FILIP1L: variants seen among roughly 807,000 people sequenced by gnomAD.
The protein encoded by FILIP1L is filamin A interacting protein 1 like, also known as filamin A-interacting protein 1-like.
FILIP1L carries 55 observed loss-of-function variants against 96.6 expected under a neutral mutation model. That is an observed-to-expected ratio of 0.57 (90% CI 0.46 to 0.71). The LOEUF is 0.71. Among genes scored for constraint, FILIP1L ranks in the 30% least tolerant of loss-of-function variants. The probability of loss-of-function intolerance (pLI) is 0.00; values close to 1 mark genes in which losing one functional copy is unlikely to be tolerated. For missense variants in FILIP1L, 1,304 were observed against 1,321.2 expected (o/e 0.99, Z 0.20); for synonymous variants, 467 against 473.9 (o/e 0.99, Z 0.19).
intron 1 of FILIP1L, among the ~76,000 whole-genome samples, chr3:99,944,684 AC>A (rs1707955566): frequency 6.6e-6 from 1 of 152,214 alleles, no homozygotes; most frequent in Admixed American, 6.5e-5. Flanking sequence ...TTCAGAGCCC[AC>A]CCAGTCTTTG....
At chr3:99,977,029 T>C (rs1484143420) in intron 1 of FILIP1L, among the ~76,000 whole-genome samples, 2 of 152,188 alleles carry the variant, frequency 1.3e-5, no homozygotes, top group East Asian at 3.8e-4. Flanking sequence ...TTCTTAGATA[T>C]ATAGGGGAAT....
At chr3:99,857,479 T>C (rs1434145774) in intron 4 of FILIP1L, among the ~76,000 whole-genome samples, 2 of 152,250 alleles carry the variant, frequency 1.3e-5, no homozygotes, top group Non-Finnish European at 2.9e-5. Context: ...GGAGTGACTA[T>C]TTTATGTTTT....
chr3:99,842,789 C>G (rs1943193552), intron 5 of FILIP1L, among the ~76,000 whole-genome samples: 1 of 152,108 alleles, frequency 6.6e-6, no homozygotes, highest in Non-Finnish European at 1.5e-5. Context: ...ACTGTAAAAC[C>G]TGGTACCTGA....
chr3:99,934,567 A>C (rs993442081), intron 1 of FILIP1L, among the ~76,000 whole-genome samples: 5 of 152,204 alleles, frequency 3.3e-5, no homozygotes, highest in Admixed American at 2.6e-4. Context: ...TCATCAACTT[A>C]ATCTAGGATA....
Position 100,041,868 on chromosome 3 carries a change from GA to G in FILIP1L, c.-11+72184del, listed in dbSNP as rs570511240. ...TCAACATGAAAGTATATCACATGCT[GA>G]CCCCAACTACAATTTGATTTAAAAA... is the stretch of plus-strand genomic sequence containing the variant. On this transcript the variant is annotated intron_variant, in intron 1 of 5. Transcript: ENST00000477258. Among the ~76,000 whole-genome samples, 632 of 152,118 alleles carry G rather than the reference GA, an allele frequency of 4.2e-3. 4 individuals carry two copies. Among genetic ancestry groups the G allele is most frequent in the African/African-American group, 0.015 (603 of 41,490 alleles).
rs12630489 is a variant in FILIP1L, at chr3:100,010,040, A to G, written c.-10-79010T>C. The G allele has an allele frequency of 5.7e-4, 120 of 211,792 alleles. 1 individual carries two copies. In the East Asian group the frequency reaches 0.02, roughly 35 times the overall value. The allele number at this position is 211,792 out of a possible 1,614,324, so 13.1% of individuals were successfully genotyped here. On this transcript the variant is annotated intron_variant, in intron 1 of 5. Transcript: ENST00000477258. The stretch of plus-strand genomic sequence containing the variant: ...TTTGGATTGTCCATCAGTTGTTAAG[A>G]TATCTACCATATGTTTTACAGACTA...
intron 1 of FILIP1L, among the ~76,000 whole-genome samples, chr3:99,988,504 T>C: frequency 1.1e-5 from 1 of 93,430 alleles, no homozygotes; most frequent in African/African-American, 4.8e-5. Flanking sequence ...AGAGCGAGAC[T>C]CCATCTCAAA....
At position 99,876,105 on chromosome 3, in the gene FILIP1L, G is replaced by T. The variant is rs181840294; in HGVS notation, c.606-25035C>A. 1,117 of 986,484 alleles carry T rather than the reference G, an allele frequency of 1.1e-3. 13 individuals carry two copies. In the African/African-American group the frequency reaches 0.018, roughly 16 times the overall value. 61.1% of individuals were successfully genotyped at this position (986,484 alleles called of 1,614,324 possible). A position where few individuals can be genotyped will look rare whatever the true frequency, so the allele number is the denominator to read the frequency against. ...CCTGCGCCGGGGCCGGGCGGGGGCCGGGCCGGGGCCGCTGTAGTGCCGCGC... is the reference window on the plus strand; with the variant it reads ...CCTGCGCCGGGGCCGGGCGGGGGCCTGGCCGGGGCCGCTGTAGTGCCGCGC... On this transcript the variant is annotated intron_variant, in intron 4 of 5. Coordinates refer to ENST00000477258, the MANE Select transcript of FILIP1L (RefSeq NM_001387850.1).
chr3:99,935,520 G>A (rs922960173), intron 1 of FILIP1L, among the ~76,000 whole-genome samples: 1 of 152,178 alleles, frequency 6.6e-6, no homozygotes, highest in African/African-American at 2.4e-5. Context: ...GGTCTGTGTT[G>A]TTGCTTATAA....
intron 4 of FILIP1L, among the ~76,000 whole-genome samples, chr3:99,897,166 C>T (rs906755588): frequency 6.6e-6 from 1 of 152,080 alleles, no homozygotes; most frequent in Non-Finnish European, 1.5e-5. Context: ...CGAGACCAGC[C>T]TAGCCAACAT....
intron 1 of FILIP1L, among the ~76,000 whole-genome samples, chr3:100,087,627 A>G (rs921158735): frequency 6.6e-6 from 1 of 152,036 alleles, no homozygotes; most frequent in Non-Finnish European, 1.5e-5. Flanking sequence ...TCTGAATACA[A>G]TTCTTTTTCA....
chr3:100,062,093 C>CTTCTTTTTTTTT (rs2065577734), intron 1 of FILIP1L, among the ~76,000 whole-genome samples: 1 of 53,154 alleles, frequency 1.9e-5, no homozygotes, highest in African/African-American at 8.9e-5. Flanking sequence ...CTGTCTTCTT[C>CTTCTTTTTTTTT]TTTTTTTTTT....
chr3:99,963,892 A>G (rs1708567008), intron 1 of FILIP1L, among the ~76,000 whole-genome samples: 1 of 152,186 alleles, frequency 6.6e-6, no homozygotes, highest in Non-Finnish European at 1.5e-5. Context: ...CTGGGATTAC[A>G]GGTGTGAGCC....
In FILIP1L at chr3:99,995,737, C is replaced by T. The variant is rs145178615; in HGVS notation, c.-10-64707G>A. Among the ~76,000 whole-genome samples the T allele has an allele frequency of 4.4e-3, 670 of 152,350 alleles. 7 individuals are homozygous for T. Among genetic ancestry groups the T allele is most frequent in the African/African-American group, 0.016 (655 of 41,592 alleles). ...CTGTGCACTCACAGGTTCAACACCA[C>T]GTGGAAGCTGCCAAGGCTTGGGTCT... On this transcript the variant is annotated intron_variant, in intron 1 of 5. Transcript: ENST00000477258.
chr3:100,046,034 G>A (rs2065273769), intron 1 of FILIP1L, among the ~76,000 whole-genome samples: 1 of 152,174 alleles, frequency 6.6e-6, no homozygotes, highest in Admixed American at 6.5e-5. Flanking sequence ...TGCTTTGTTT[G>A]TTTATTTTTT....
At chr3:99,845,581 T>A (rs1307116968) in intron 5 of FILIP1L, among the ~76,000 whole-genome samples, 1 of 152,186 alleles carries the variant, frequency 6.6e-6, no homozygotes, top group Admixed American at 6.5e-5. Context: ...TATCTGTCAA[T>A]GAAAAAGGAA....
chr3:100,094,272 T>C (rs367833666), intron 1 of FILIP1L, among the ~76,000 whole-genome samples: 9 of 152,306 alleles, frequency 5.9e-5, no homozygotes, highest in African/African-American at 2.2e-4. Flanking sequence ...TCTAATTGAA[T>C]TGATTGGATT....
intron 1 of FILIP1L, among the ~76,000 whole-genome samples, chr3:100,100,180 G>A (rs2066280056): frequency 6.6e-6 from 1 of 152,158 alleles, no homozygotes; most frequent in South Asian, 2.1e-4. Flanking sequence ...AGATTTTGGT[G>A]TGTGGGCTCT....
At chr3:100,081,197 C>T (rs764515314) in intron 1 of FILIP1L, among the ~76,000 whole-genome samples, 5 of 152,138 alleles carry the variant, frequency 3.3e-5, no homozygotes, top group Admixed American at 6.5e-5. Flanking sequence ...GGAACTTCAC[C>T]GAAGCCACCC....
Sources: allele counts gnomAD v4.1 joint callset (sites outside exome capture counted in the v4.1 genomes callset), GRCh38; gene constraint gnomAD v4.1.1; transcripts MANE v1.5; gene names NCBI Gene and HGNC (gene_info 2026-07-23, HGNC 2026-07-21).